Variants in ZNF804B observed in about 807,000 individuals in gnomAD.
The protein encoded by ZNF804B is zinc finger protein 804B.
In ZNF804B, 80 loss-of-function variants were observed where a neutral mutation model predicts 101.4. The ratio of observed to expected loss-of-function variants is 0.79; its 90% confidence interval spans 0.66 to 0.95. The LOEUF (loss-of-function observed/expected upper bound fraction) is 0.95. Ranked by LOEUF, ZNF804B falls within the 40% of genes least tolerant of loss-of-function variation. ZNF804B has a pLI of 0.00. For missense variants in ZNF804B, 1,673 were observed against 1,561.9 expected, an observed-to-expected ratio of 1.07 and a Z score of -1.20; for synonymous variants, 622 against 558.8, an observed-to-expected ratio of 1.11 and a Z score of -1.59.
intron 2 of ZNF804B, among the ~76,000 whole-genome samples, chr7:89,272,183 T>C (rs1789908943): frequency 6.6e-6 from 1 of 152,084 alleles, no homozygotes. Context: ...TTGTTCTTTC[T>C]ACTAGCAGCA....
At position 88,794,700 on chromosome 7, in the gene ZNF804B, T is replaced by G. The variant is rs6962508; in HGVS notation, c.108+34616T>G. ...GCAGCAATCCTGTCACTGCTTCTCCTAGGTGATGTTTCAAAACTGACTGAA... is the reference window on the plus strand; with the variant it reads ...GCAGCAATCCTGTCACTGCTTCTCCGAGGTGATGTTTCAAAACTGACTGAA... On this transcript the variant is annotated intron_variant, in intron 1 of 3. Coordinates refer to ENST00000333190, the MANE Select transcript of ZNF804B (RefSeq NM_181646.5). The G allele has an allele frequency of 1.7e-3, 2,788 of 1,613,730 alleles. 46 individuals are homozygous for G. The African/African-American group carries it at 0.034, about 19-fold the overall frequency.
chr7:89,163,043 T>C (rs537565572), intron 1 of ZNF804B, among the ~76,000 whole-genome samples: 195 of 152,202 alleles, frequency 1.3e-3, no homozygotes, highest in Non-Finnish European at 1.6e-3. Flanking sequence ...ATGGTGTATA[T>C]GTGCCACATT....
chr7:88,964,766 C>T (rs1007734700), intron 1 of ZNF804B, among the ~76,000 whole-genome samples: 1 of 151,438 alleles, frequency 6.6e-6, no homozygotes, highest in Non-Finnish European at 1.5e-5. Context: ...GTGTTGTGAG[C>T]ACTCACCTTT....
At chr7:88,910,492 T>A (rs1411557627) in intron 1 of ZNF804B, among the ~76,000 whole-genome samples, 1 of 151,934 alleles carries the variant, frequency 6.6e-6, no homozygotes, top group East Asian at 1.9e-4. Context: ...ATAAATATTT[T>A]AACCATCAAA....
chr7:88,854,545 T>TCCCTTCCCTTC lies in ZNF804B; in HGVS notation c.108+94463_108+94464insCTTCCCTTCCC, dbSNP rs1192052160. On this transcript the variant is annotated intron_variant, in intron 1 of 3. Transcript: ENST00000333190. ...TCCTTCCTTTCCTTCCTTCCTTCCT[T>TCCCTTCCCTTC]CCTTCCTTCCTTCCTTCCTTCCTTC... 1.3e-3 allele frequency among the ~76,000 whole-genome samples: 128 copies of TCCCTTCCCTTC among 100,470 alleles called. 7 individuals are homozygous for TCCCTTCCCTTC. In the East Asian group the frequency reaches 0.026, roughly 20 times the overall value. The allele number at this position is 100,470 out of a possible 152,430, so 65.9% of individuals were successfully genotyped here.
chr7:88,967,821 C>T (rs1396601435), intron 1 of ZNF804B, among the ~76,000 whole-genome samples: 1 of 150,990 alleles, frequency 6.6e-6, no homozygotes, highest in Non-Finnish European at 1.5e-5. Context: ...CAAAATTGTT[C>T]CTGGAGCCAG....
At chr7:89,282,339 T>C (rs1432185559) in intron 2 of ZNF804B, among the ~76,000 whole-genome samples, 2 of 151,896 alleles carry the variant, frequency 1.3e-5, no homozygotes, top group Non-Finnish European at 2.9e-5. Context: ...ATTGCAAATA[T>C]CATCAACACA....
intron 1 of ZNF804B, among the ~76,000 whole-genome samples, chr7:88,876,172 C>T (rs1291542718): frequency 1.3e-5 from 2 of 152,150 alleles, no homozygotes; most frequent in Non-Finnish European, 2.9e-5. Flanking sequence ...TCTTTTACTG[C>T]TTTCCCAGAC....
At chr7:88,898,127 C>T (rs1397023878) in intron 1 of ZNF804B, among the ~76,000 whole-genome samples, 4 of 127,854 alleles carry the variant, frequency 3.1e-5, no homozygotes, top group Non-Finnish European at 6.2e-5. Context: ...CACTCTGTAG[C>T]CCAGGCTCTA....
intron 1 of ZNF804B, among the ~76,000 whole-genome samples, chr7:89,046,361 G>A (rs10227597): frequency 0.32 from 49,295 of 151,992 alleles, 8,276 homozygotes; most frequent in East Asian, 0.51. Flanking sequence ...TTTATTACAG[G>A]AGAAATAGAA....
chr7:89,198,731 A>T (rs1788589930), intron 1 of ZNF804B, among the ~76,000 whole-genome samples: 1 of 151,922 alleles, frequency 6.6e-6, no homozygotes, highest in Non-Finnish European at 1.5e-5. Context: ...AAATATATAA[A>T]GCTTTCTATC....
intron 1 of ZNF804B, among the ~76,000 whole-genome samples, chr7:88,891,707 C>CTTTGT (rs769404126): frequency 6.7e-6 from 1 of 149,534 alleles, no homozygotes; most frequent in Non-Finnish European, 1.5e-5. Context: ...CTCTACTAGT[C>CTTTGT]TTTGTTTTGT....
Position 89,333,979 on chromosome 7 carries a change from G to C in ZNF804B, c.997G>C (p.Asp333His). ...CTCTAAATCTAACATTCATCTTTCA[G>C]ATGTAGATTTTACTCCTACCAGCAG... ...SFSKSNIHLS[D>H]VDFTPTSREK... The change falls in exon 4 of 4, where the codon GAT becomes CAT. Residue 333 changes from aspartate to histidine, a missense_variant. Asp to His is a moderately conservative substitution (Grantham distance 81). Coordinates refer to ENST00000333190, the MANE Select transcript of ZNF804B (RefSeq NM_181646.5). 1.2e-6 allele frequency: 2 copies of C among 1,613,434 alleles called. No homozygotes were observed. The highest frequency in any genetic ancestry group is 2.7e-5 in the African/African-American group (2 of 74,974).
rs952993494 is a variant in ZNF804B, at chr7:88,759,702, C to A, written c.-275C>A. On this transcript the variant is annotated 5_prime_UTR_variant, in exon 1 of 4. Transcript: ENST00000333190. ...ATATCGCTGGCCCGCGGTTGAGCAG[C>A]CACCTCGTCAGAGCAGCATGTGGAC... 4.8e-6 allele frequency: 2 copies of A among 415,794 alleles called. No individual in the cohort carries two copies. The highest frequency in any genetic ancestry group is 8.7e-6 in the Non-Finnish European group (2 of 228,670). The allele number at this position is 415,794 out of a possible 1,614,324, so 25.8% of individuals were successfully genotyped here.
chr7:89,137,134 G>A (rs1367903418), intron 1 of ZNF804B, among the ~76,000 whole-genome samples: 1 of 152,032 alleles, frequency 6.6e-6, no homozygotes, highest in Non-Finnish European at 1.5e-5. Context: ...ATTGGTACCA[G>A]TAGAGTGGGG....
At chr7:89,238,778 T>A (rs568509825) in intron 2 of ZNF804B, among the ~76,000 whole-genome samples, 1 of 152,300 alleles carries the variant, frequency 6.6e-6, no homozygotes, top group East Asian at 1.9e-4. Flanking sequence ...ACTAGTGATG[T>A]TGATCAAAGG....
At chr7:88,871,996 G>A (rs1406490571) in intron 1 of ZNF804B, among the ~76,000 whole-genome samples, 5 of 151,846 alleles carry the variant, frequency 3.3e-5, no homozygotes, top group African/African-American at 7.3e-5. Flanking sequence ...TGAAGTGAAA[G>A]TAGTAATATG....
chr7:89,201,558 AT>A (rs1788638174), intron 1 of ZNF804B, among the ~76,000 whole-genome samples: 1 of 152,020 alleles, frequency 6.6e-6, no homozygotes, highest in African/African-American at 2.4e-5. Context: ...TGGGAAAATA[AT>A]CAAAAGGAGC....
chr7:89,200,431 C>A (rs1313360045), intron 1 of ZNF804B, among the ~76,000 whole-genome samples: 2 of 151,922 alleles, frequency 1.3e-5, no homozygotes, highest in South Asian at 4.1e-4. Flanking sequence ...TCATAAATCT[C>A]CTCTTAAATT....
Sources: allele counts gnomAD v4.1 joint callset (sites outside exome capture counted in the v4.1 genomes callset), GRCh38; gene constraint gnomAD v4.1.1; transcripts MANE v1.5; gene names NCBI Gene and HGNC (gene_info 2026-07-23, HGNC 2026-07-21).